The following ITGB4 variants were observed in gnomAD, a reference collection of about 807,000 sequenced individuals.
ITGB4 encodes the protein integrin subunit beta 4.
ITGB4 carries 159 observed loss-of-function variants against 207.6 expected under a neutral mutation model. That is an observed-to-expected ratio of 0.77 (90% confidence interval 0.67 to 0.87). The LOEUF (loss-of-function observed/expected upper bound fraction) is 0.87. Ranked by LOEUF, ITGB4 falls within the 40% of genes least tolerant of loss-of-function variation. The probability of loss-of-function intolerance (pLI) is 0.00; values close to 1 mark genes in which losing one functional copy is unlikely to be tolerated. For synonymous variants in ITGB4, 1,020 were observed against 1,062.7 expected (o/e 0.96, Z 0.78); for missense variants, 2,278 against 2,546.8 (o/e 0.89, Z 2.27).
intron 16 of ITGB4, among the ~76,000 whole-genome samples, chr17:75,737,080 T>G (rs1197679618): frequency 6.6e-6 from 1 of 152,236 alleles, no homozygotes; most frequent in South Asian, 2.1e-4. Context: ...CTGGGTGATG[T>G]CCAGGTCAGG....
chr17:75,728,180 G>A (rs768107313), intron 5 of ITGB4, among the ~76,000 whole-genome samples, 197 bp from the exon 6 acceptor site: 3 of 152,162 alleles, frequency 2.0e-5, no homozygotes, highest in South Asian at 4.1e-4. Context: ...CTTGCTGTAC[G>A]CATAACTCCA....
At chr17:75,737,975 C>T (rs994996129) in intron 18 of ITGB4, among the ~76,000 whole-genome samples, 1 of 152,188 alleles carries the variant, frequency 6.6e-6, no homozygotes, top group Non-Finnish European at 1.5e-5. Context: ...CCCACCATCC[C>T]CACTCCTGCA....
At position 75,756,623 on chromosome 17, in the gene ITGB4, T is replaced by C. The variant is rs773162258; in HGVS notation, c.4897+6T>C. 20 of 1,612,388 alleles carry C rather than the reference T, an allele frequency of 1.2e-5. No individual in the cohort carries two copies. The highest frequency in any genetic ancestry group is 1.7e-5 in the Non-Finnish European group (20 of 1,179,786). On this transcript the variant is annotated splice_donor_region_variant and intron_variant, in intron 36 of 39. Transcript: ENST00000200181. ...CCCACTGTGTCCCCTGCCAGGTGAG[T>C]TGCCTCCCCCAGCCCCAGAGCTGCC...
intron 6 of ITGB4, 115 bp downstream of exon 6, chr17:75,728,588 C>A: frequency 2.4e-6 from 2 of 828,214 alleles, no homozygotes; most frequent in Non-Finnish European, 4.0e-6. Context: ...GTGGCTCATG[C>A]CTGTAATCCC....
rs761810625 is a variant in ITGB4 at position 75,740,859 on chromosome 17, C to T, written c.2609+8C>T. On this transcript the variant is annotated splice_region_variant and intron_variant, in intron 22 of 39. Coordinates refer to ENST00000200181, the MANE Select transcript of ITGB4 (RefSeq NM_000213.5). The surrounding 1 kb of genome is among the most constrained non-coding windows in gnomAD (Gnocchi z 5.9). ...CCAGCAGACCAAGTTCCGGTGAGTCCCGGGGTGCCCGGGTTGGGTGGGGGA... is the reference window on the plus strand; with the variant it reads ...CCAGCAGACCAAGTTCCGGTGAGTCTCGGGGTGCCCGGGTTGGGTGGGGGA... The T allele has an allele frequency of 5.0e-6, 8 of 1,613,700 alleles. No individual in the cohort carries two copies. The South Asian group carries it at 6.6e-5, about 13-fold the overall frequency.
chr17:75,738,219 A>G (rs1328993225), intron 18 of ITGB4, among the ~76,000 whole-genome samples: 1 of 144,680 alleles, frequency 6.9e-6, no homozygotes, highest in East Asian at 2.0e-4. Flanking sequence ...CAAGACCCAC[A>G]CCAACCCCAT....
At chr17:75,745,136 T>G (rs1389602692) in intron 26 of ITGB4, among the ~76,000 whole-genome samples, 1 of 151,018 alleles carries the variant, frequency 6.6e-6, no homozygotes, top group South Asian at 2.2e-4. Context: ...CTCACACCTG[T>G]AATCCCAGCA....
chr17:75,743,649 G>A, intron 25 of ITGB4, 64 bp from the exon 26 acceptor site: 1 of 1,610,832 alleles, frequency 6.2e-7, no homozygotes, highest in Admixed American at 1.7e-5. Context: ...AGGGTCACAG[G>A]AGAGCAGGAG....
chr17:75,757,695 G>A lies in ITGB4; in HGVS notation c.*140G>A. ...ACAGAGCAGGGGCTAGGTGTCTCCTGGGAGGCATGAAGGGGGCAAGGTCCG... is the reference window on the plus strand; with the variant it reads ...ACAGAGCAGGGGCTAGGTGTCTCCTAGGAGGCATGAAGGGGGCAAGGTCCG... On this transcript the variant is annotated 3_prime_UTR_variant, in exon 40 of 40. Coordinates refer to ENST00000200181, the MANE Select transcript of ITGB4 (RefSeq NM_000213.5). 1 of 1,223,384 alleles carries A rather than the reference G, an allele frequency of 8.2e-7. No homozygotes were observed. The highest frequency in any genetic ancestry group is 1.2e-6 in the Non-Finnish European group (1 of 845,496). 75.8% of individuals were successfully genotyped at this position (1,223,384 alleles called of 1,614,324 possible). A position where few individuals can be genotyped will look rare whatever the true frequency, so the allele number is the denominator to read the frequency against.
At chr17:75,756,298 C>T (rs1016105704) in intron 35 of ITGB4, 131 bp from the exon 36 acceptor site, 2 of 954,230 alleles carry the variant, frequency 2.1e-6, no homozygotes, top group East Asian at 2.6e-5. Flanking sequence ...CTGTACCCAA[C>T]CTGTACCCAA....
intron 26 of ITGB4, among the ~76,000 whole-genome samples, chr17:75,747,829 T>G (rs780396109): frequency 4.9e-4 from 74 of 152,294 alleles, no homozygotes; most frequent in Non-Finnish European, 1.0e-3. Context: ...ACACTGACGT[T>G]TTTGAAGTAT....
intron 26 of ITGB4, 89 bp downstream of exon 26, chr17:75,743,950 C>T: frequency 7.2e-6 from 10 of 1,391,328 alleles, no homozygotes; most frequent in Non-Finnish European, 9.8e-6. Context: ...CACATGGCAG[C>T]TGCTTGAGTC....
In ITGB4 at chr17:75,722,259, CA is replaced by C. The variant is rs2060630343; in HGVS notation, c.-11+648del. On this transcript the variant is annotated intron_variant, in intron 1 of 39. Coordinates refer to ENST00000200181, the MANE Select transcript of ITGB4 (RefSeq NM_000213.5). This position sits in a 1 kb window ranked among gnomAD's most constrained non-coding sequence, Gnocchi z 6.2. ...GCCCCAGGGCTGTGCCCAACACTGC[CA>C]CCTCCTGCAGCATCCGCCCTCTTTC... Among the ~76,000 whole-genome samples, 1 of 152,226 alleles carries C rather than the reference CA, an allele frequency of 6.6e-6. No homozygotes were observed. The highest frequency in any genetic ancestry group is 1.5e-5 in the Non-Finnish European group (1 of 68,040).
intron 30 of ITGB4, chr17:75,751,557 C>G (rs2061367602): frequency 4.1e-6 from 1 of 243,752 alleles, no homozygotes; most frequent in East Asian, 1.1e-4. Context: ...TCAAGACCAG[C>G]CTGGCTAACA....
In ITGB4 at chr17:75,724,593, G is replaced by T. The variant is rs1323772311; in HGVS notation, c.-10-101G>T. The T allele has an allele frequency of 9.6e-6, 9 of 940,966 alleles. No homozygotes were observed. In the Admixed American group the frequency reaches 1.6e-4, roughly 16 times the overall value. The allele number at this position is 940,966 out of a possible 1,614,324, so 58.3% of individuals were successfully genotyped here. On this transcript the variant is annotated intron_variant, in intron 1 of 39. Coordinates refer to ENST00000200181, the MANE Select transcript of ITGB4 (RefSeq NM_000213.5). ...CTGGGCGCCCTTGGTCACATTGTTGGTGCTCAGAGCCTCAGTTCCCACAGC... is the reference window on the plus strand; with the variant it reads ...CTGGGCGCCCTTGGTCACATTGTTGTTGCTCAGAGCCTCAGTTCCCACAGC...
At chr17:75,741,713 G>A (rs1454791360) in intron 23 of ITGB4, among the ~76,000 whole-genome samples, 1 of 152,030 alleles carries the variant, frequency 6.6e-6, no homozygotes, top group Non-Finnish European at 1.5e-5. Flanking sequence ...GGCTGAGGCA[G>A]GAGAATCCCT....
Position 75,740,574 on chromosome 17 carries a change from G to C in ITGB4, c.2550+113G>C. 2 of 1,015,526 alleles carry C rather than the reference G, an allele frequency of 2.0e-6. No homozygotes were observed. Among genetic ancestry groups the C allele is most frequent in the Non-Finnish European group, 3.0e-6 (2 of 657,738 alleles). The allele number at this position is 1,015,526 out of a possible 1,614,324, so 62.9% of individuals were successfully genotyped here. A position where few individuals can be genotyped will look rare whatever the true frequency, so the allele number is the denominator to read the frequency against. On this transcript the variant is annotated intron_variant, in intron 21 of 39. Transcript: ENST00000200181. The surrounding 1 kb of genome is among the most constrained non-coding windows in gnomAD (Gnocchi z 5.9). Reference sequence around the variant, plus strand: ...CGAGATTCATTAACTAGGGGAGAGGGGTCTCTCTGGACCTGTGCCTGGCAG... The same window carrying C: ...CGAGATTCATTAACTAGGGGAGAGGCGTCTCTCTGGACCTGTGCCTGGCAG...
At position 75,739,244 on chromosome 17, in the gene ITGB4, G is replaced by A. The variant is rs187344719; in HGVS notation, c.2221-428G>A. ...TGGGAGGTAGAGGTTGCAGTGAGCCGCGATCGTGCCACTGCATTCCAGCCT... is the reference window on the plus strand; with the variant it reads ...TGGGAGGTAGAGGTTGCAGTGAGCCACGATCGTGCCACTGCATTCCAGCCT... On this transcript the variant is annotated intron_variant, in intron 18 of 39. Coordinates refer to ENST00000200181, the MANE Select transcript of ITGB4 (RefSeq NM_000213.5). The surrounding 1 kb of genome is among the most constrained non-coding windows in gnomAD (Gnocchi z 5.4). Among the ~76,000 whole-genome samples the A allele has an allele frequency of 8.0e-5, 12 of 150,638 alleles. No homozygotes were observed. The East Asian group carries it at 1.6e-3, about 20-fold the overall frequency.
At chr17:75,723,728 G>T (rs2060661601) in intron 1 of ITGB4, among the ~76,000 whole-genome samples, 1 of 152,266 alleles carries the variant, frequency 6.6e-6, no homozygotes, top group South Asian at 2.1e-4. Flanking sequence ...GCCGGGCTGA[G>T]ACAGGATTCA....
Sources: allele counts gnomAD v4.1 joint callset (sites outside exome capture counted in the v4.1 genomes callset), GRCh38; gene constraint gnomAD v4.1.1; non-coding constraint Gnocchi (gnomAD v3.1); transcripts MANE v1.5; gene names NCBI Gene and HGNC (gene_info 2026-07-23, HGNC 2026-07-21).